CCDC33: variants seen among roughly 807,000 people sequenced by gnomAD.
The protein encoded by CCDC33 is coiled-coil domain containing 33, also known as coiled-coil domain-containing protein 33.
CCDC33 carries 94 observed loss-of-function variants against 91.9 expected under a neutral mutation model. The observed-to-expected ratio is 1.02, with a 90% CI of 0.87 to 1.21. The LOEUF (loss-of-function observed/expected upper bound fraction) is 1.21. CCDC33 is among the 50% of genes most tolerant of loss of function. The probability of loss-of-function intolerance (pLI) is 0.00; values close to 1 mark genes in which losing one functional copy is unlikely to be tolerated. For missense variants in CCDC33, 940 were observed against 935.5 expected (o/e 1.00, Z -0.06); for synonymous variants, 396 against 374.5 (o/e 1.06, Z -0.66).
At chr15:74,313,415 C>CTTTTTTTTTTTTTTTTTT (rs35519774) in intron 11 of CCDC33, among the ~76,000 whole-genome samples, 2 of 94,182 alleles carry the variant, frequency 2.1e-5, no homozygotes, top group Non-Finnish European at 3.8e-5. Context: ...TTCTTTCTTT[C>CTTTTTTTTTTTTTTTTTT]TTTTTTTTTT....
At chr15:74,331,352 C>T in intron 15 of CCDC33, 56 bp downstream of exon 15, 2 of 1,561,042 alleles carry the variant, frequency 1.3e-6, no homozygotes, top group Non-Finnish European at 1.8e-6. Context: ...CCCCTGGAGG[C>T]CCTGCCTTCC....
chr15:74,249,502 AAAAT>A (rs929274383), intron 2 of CCDC33, among the ~76,000 whole-genome samples: 2 of 132,428 alleles, frequency 1.5e-5, no homozygotes, highest in African/African-American at 6.1e-5. Context: ...AAATAATAAA[AAAAT>A]AAAAACAACT....
chr15:74,229,032 G>A (rs112740365), intron 2 of CCDC33, among the ~76,000 whole-genome samples: 4,513 of 152,222 alleles, frequency 0.03, 117 homozygotes, highest in Middle Eastern at 0.048. Context: ...CCCGGCTGCA[G>A]AGCCAACCCT....
chr15:74,247,377 C>T (rs113677558), intron 2 of CCDC33, among the ~76,000 whole-genome samples: 11,271 of 51,904 alleles, frequency 0.22, 425 homozygotes, highest in Non-Finnish European at 0.35. Context: ...TATATACACA[C>T]ACACACACAC....
intron 1 of CCDC33, among the ~76,000 whole-genome samples, chr15:74,237,792 G>A (rs577482094): frequency 1.6e-4 from 25 of 152,350 alleles, no homozygotes; most frequent in African/African-American, 4.8e-4. Context: ...GAGGAGCCAA[G>A]GTTGCTTTGA....
intron 2 of CCDC33, among the ~76,000 whole-genome samples, chr15:74,230,188 C>A (rs2074924955): frequency 6.6e-6 from 1 of 152,076 alleles, no homozygotes. Context: ...GTGATGGGGT[C>A]CTACTAAGGT....
chr15:74,226,440 C>T (rs928262506), intron 2 of CCDC33, among the ~76,000 whole-genome samples: 1 of 152,136 alleles, frequency 6.6e-6, no homozygotes, highest in African/African-American at 2.4e-5. Context: ...TGGGAAATTG[C>T]GTGGTGCTAA....
chr15:74,278,240 C>G (rs1219359170), intron 7 of CCDC33, among the ~76,000 whole-genome samples: 2 of 152,194 alleles, frequency 1.3e-5, no homozygotes, highest in Non-Finnish European at 2.9e-5. Context: ...CAAACCAGGC[C>G]CATTAGTGTG....
chr15:74,203,501 G>A (rs1166840558), intron 1 of CCDC33, among the ~76,000 whole-genome samples: 1 of 152,234 alleles, frequency 6.6e-6, no homozygotes, highest in East Asian at 1.9e-4. Context: ...TGGAGGTTTA[G>A]GCCCCTAAAA....
intron 2 of CCDC33, among the ~76,000 whole-genome samples, chr15:74,259,490 C>T (rs572931160): frequency 3.9e-5 from 6 of 152,248 alleles, no homozygotes; most frequent in Admixed American, 1.3e-4. Context: ...GCCATTACCC[C>T]GAGAGCCTCC....
At chr15:74,311,033 G>A (rs1370870426) in intron 11 of CCDC33, among the ~76,000 whole-genome samples, 5 of 151,076 alleles carry the variant, frequency 3.3e-5, no homozygotes, top group Non-Finnish European at 7.4e-5. Flanking sequence ...TAGGCTGGAG[G>A]CAGGACCGTG....
At chr15:74,282,697 G>T (rs916228289) in intron 10 of CCDC33, among the ~76,000 whole-genome samples, 1 of 152,114 alleles carries the variant, frequency 6.6e-6, no homozygotes, top group Non-Finnish European at 1.5e-5. Context: ...GCCCGTTTTT[G>T]GAATTCTGTC....
intron 12 of CCDC33, 94 bp from the exon 13 acceptor site, chr15:74,330,569 G>A (rs1038094652): frequency 1.0e-4 from 123 of 1,187,592 alleles, no homozygotes; most frequent in Non-Finnish European, 1.3e-4. Flanking sequence ...CCAAGCCCTC[G>A]GGCCAAGGGA....
At position 74,262,440 on chromosome 15, in the gene CCDC33, G is replaced by A; in HGVS notation, c.186G>A (p.Val62=). 1 of 1,613,926 alleles carries A rather than the reference G, an allele frequency of 6.2e-7. No homozygotes were observed. Among genetic ancestry groups the A allele is most frequent in the Non-Finnish European group, 8.5e-7 (1 of 1,179,906 alleles). The stretch of plus-strand genomic sequence containing the variant: ...CTCACCCTGCCCCTGCTCTCCCCAG[G>A]AAAAGCACATCTGAGGAAAAGAACA... ...DGSEPWPYVV[V]KSTSEEKNNQ... The change falls in exon 3 of 19, where the codon GTG becomes GTA. Residue 62 remains valine, a splice_region_variant and synonymous_variant. Transcript: ENST00000398814.
chr15:74,308,358 GACAC>G (rs3057604), intron 11 of CCDC33, among the ~76,000 whole-genome samples: 1 of 145,902 alleles, frequency 6.9e-6, no homozygotes, highest in African/African-American at 2.6e-5. Context: ...CAGACAGACA[GACAC>G]ACACACACAC....
intron 11 of CCDC33, chr15:74,301,062 AG>A (rs1288775744): frequency 6.6e-6 from 1 of 152,314 alleles, no homozygotes; most frequent in Non-Finnish European, 1.5e-5. Context: ...TGAGTAGCTC[AG>A]GAAGCCATTG....
intron 7 of CCDC33, among the ~76,000 whole-genome samples, chr15:74,275,871 GTTAACCA>G (rs2076436433): frequency 6.6e-6 from 1 of 152,188 alleles, no homozygotes; most frequent in African/African-American, 2.4e-5. Context: ...GTTCAACCAT[GTTAACCA>G]GGCTGATCTT....
intron 10 of CCDC33, among the ~76,000 whole-genome samples, chr15:74,293,137 C>T (rs750529071): frequency 4.6e-4 from 70 of 152,132 alleles, no homozygotes; most frequent in Non-Finnish European, 5.3e-4. Context: ...GAGGGAACTC[C>T]TTTGCAATTG....
chr15:74,329,035 A>T (rs1351071709), intron 11 of CCDC33, among the ~76,000 whole-genome samples: 1 of 152,286 alleles, frequency 6.6e-6, no homozygotes, highest in East Asian at 1.9e-4. Context: ...TGATGGTGCC[A>T]CTGCACGATC....
Sources: allele counts gnomAD v4.1 joint callset (sites outside exome capture counted in the v4.1 genomes callset), GRCh38; gene constraint gnomAD v4.1.1; transcripts MANE v1.5; gene names NCBI Gene and HGNC (gene_info 2026-07-23, HGNC 2026-07-21).